TMEM132B: variants seen among roughly 807,000 people sequenced by gnomAD.
TMEM132B encodes the protein transmembrane protein 132B.
In TMEM132B, 18 loss-of-function variants were observed where a neutral mutation model predicts 90.8. The ratio of observed to expected loss-of-function variants is 0.20; its 90% CI spans 0.14 to 0.29. The LOEUF (loss-of-function observed/expected upper bound fraction) is 0.29, where lower values mean the gene tolerates loss of function less well. Ranked by LOEUF, TMEM132B falls within the 10% of genes least tolerant of loss-of-function variation. The pLI is 1.00. For missense variants in TMEM132B, 1,096 were observed against 1,326.8 expected, an observed-to-expected ratio of 0.83 and a Z score of 2.70; for synonymous variants, 504 against 523.3, an observed-to-expected ratio of 0.96 and a Z score of 0.50.
intron 2 of TMEM132B, among the ~76,000 whole-genome samples, chr12:125,411,125 GGAGTGAGTGGAGTGGAGT>G (rs1879814036): frequency 7.8e-5 from 4 of 51,320 alleles, no homozygotes; most frequent in South Asian, 8.6e-4. Flanking sequence ...GGAGTGGAGT[GGAGTGAGTGGAGTGGAGT>G]GAGTGGAGTG....
At position 125,350,279 on chromosome 12, in the gene TMEM132B, G is replaced by A. The variant is rs1477450533; in HGVS notation, c.895G>A (p.Gly299Arg). 6.2e-7 allele frequency: 1 copy of A among 1,613,844 alleles called. No individual in the cohort carries two copies. Among genetic ancestry groups the A allele is most frequent in the Non-Finnish European group, 8.5e-7 (1 of 1,180,034 alleles). ...GGTACCTCTGAATCTAGTCCGGGAAGGGGACACGGCCACCTTTTTGGTCTC... is the reference window on the plus strand; with the variant it reads ...GGTACCTCTGAATCTAGTCCGGGAAAGGGACACGGCCACCTTTTTGGTCTC... ...ISVPLNLVRE[G>R]DTATFLVSLT... Residue 299 changes from glycine to arginine, a missense_variant, in exon 2 of 9, where the codon GGG (glycine) becomes AGG (arginine). Gly to Arg is a moderately radical substitution (Grantham distance 125). Transcript: ENST00000682704.
chr12:125,296,686 G>A (rs1053438984), intron 1 of TMEM132B, among the ~76,000 whole-genome samples: 3 of 152,218 alleles, frequency 2.0e-5, no homozygotes, highest in South Asian at 2.1e-4. Context: ...AGCACCTGGC[G>A]GGGGCTCCTA....
chr12:125,253,720 C>G (rs886335679), intron 1 of TMEM132B, among the ~76,000 whole-genome samples: 24 of 152,298 alleles, frequency 1.6e-4, no homozygotes, highest in African/African-American at 5.8e-4. Context: ...AGGCGTGAAC[C>G]ACGGTGCCTG....
chr12:125,535,835 G>A (rs1484075785), intron 4 of TMEM132B, among the ~76,000 whole-genome samples: 3 of 152,176 alleles, frequency 2.0e-5, no homozygotes, highest in Admixed American at 1.3e-4. Context: ...GCAGGAGAGG[G>A]GAGCTTGCAG....
intron 5 of TMEM132B, among the ~76,000 whole-genome samples, chr12:125,608,557 A>G (rs1341987557): frequency 6.6e-6 from 1 of 152,206 alleles, no homozygotes; most frequent in Non-Finnish European, 1.5e-5. Context: ...TTGAAGAACA[A>G]AGGTTTTCAG....
At chr12:125,531,588 G>A (rs568668773) in intron 4 of TMEM132B, among the ~76,000 whole-genome samples, 20 of 152,246 alleles carry the variant, frequency 1.3e-4, no homozygotes, top group Non-Finnish European at 1.9e-4. Context: ...TATAATTACC[G>A]TTGAGGAAGA....
rs1247116775 is a variant in TMEM132B, at chr12:125,359,692, T to TA, written c.959+9354dup. On this transcript the variant is annotated intron_variant, in intron 2 of 8. Transcript: ENST00000682704. ...AAACTTGTAAGAAAAATAACAAATG[T>TA]AAAAAGCCATGTTTGGTCATTTCTA... Among the ~76,000 whole-genome samples the TA allele has an allele frequency of 2.0e-4, 31 of 152,274 alleles. No homozygotes were observed. In the East Asian group the frequency reaches 5.4e-3, roughly 27 times the overall value.
intron 5 of TMEM132B, among the ~76,000 whole-genome samples, chr12:125,600,661 A>T (rs1019619489): frequency 9.9e-5 from 15 of 152,212 alleles, no homozygotes; most frequent in South Asian, 2.1e-4. Flanking sequence ...AATGTAATAA[A>T]TCAAACTTTC....
rs758524242 is a variant in TMEM132B at position 125,460,218 on chromosome 12, C to T, written c.1106+44541C>T. On this transcript the variant is annotated intron_variant, in intron 3 of 8. Transcript: ENST00000682704. This position sits in a 1 kb window ranked among gnomAD's most constrained non-coding sequence, Gnocchi z 4.4. Reference sequence around the variant, plus strand: ...ATAAAAAAATAAAGCTGGCAGGGCACGGTGGCTCACGCCTGTAATCCCAGC... The same window carrying T: ...ATAAAAAAATAAAGCTGGCAGGGCATGGTGGCTCACGCCTGTAATCCCAGC... 5.3e-5 allele frequency among the ~76,000 whole-genome samples: 8 copies of T among 152,144 alleles called. No individual in the cohort carries two copies. The highest frequency in any genetic ancestry group is 1.9e-4 in the East Asian group (1 of 5,194).
chr12:125,304,591 G>T (rs559868517), intron 1 of TMEM132B, among the ~76,000 whole-genome samples: 31 of 152,172 alleles, frequency 2.0e-4, no homozygotes, highest in African/African-American at 7.5e-4. Context: ...TTTGGTGTAT[G>T]GTATAAGGTA....
At chr12:125,529,044 T>C (rs571567127) in intron 4 of TMEM132B, among the ~76,000 whole-genome samples, 2 of 147,302 alleles carry the variant, frequency 1.4e-5, no homozygotes, top group South Asian at 2.2e-4. Context: ...CCCTCCTCCT[T>C]CTTCCTTTTT....
chr12:125,247,750 C>T lies in TMEM132B; in HGVS notation c.67+60884C>T, dbSNP rs141963116. ...TAGCATTTCCCCTAGCCGATGTCAC[C>T]GGCCCTGGGATAGGCCTGACCTATT... On this transcript the variant is annotated intron_variant, in intron 1 of 8. Transcript: ENST00000682704. 1.2e-4 allele frequency among the ~76,000 whole-genome samples: 19 copies of T among 152,318 alleles called. No individual in the cohort carries two copies. In the East Asian group the frequency reaches 3.1e-3, roughly 25 times the overall value.
intron 4 of TMEM132B, among the ~76,000 whole-genome samples, chr12:125,557,108 T>C (rs896867589): frequency 6.6e-6 from 1 of 152,160 alleles, no homozygotes; most frequent in Non-Finnish European, 1.5e-5. Flanking sequence ...ACACACTTAC[T>C]CCCATATTTA....
chr12:125,435,681 G>C (rs7134903), intron 3 of TMEM132B, among the ~76,000 whole-genome samples: 30,979 of 152,116 alleles, frequency 0.2, 3,900 homozygotes, highest in African/African-American at 0.36. Flanking sequence ...GGAAGAAAGT[G>C]TCAGGGAGAA....
intron 3 of TMEM132B, among the ~76,000 whole-genome samples, chr12:125,505,181 A>AACAAACAAAC (rs1555254109): frequency 6.9e-6 from 1 of 144,888 alleles, no homozygotes; most frequent in Non-Finnish European, 1.5e-5. Flanking sequence ...AAAAAAAAAA[A>AACAAACAAAC]AAAAAAAAAA....
At chr12:125,291,338 T>C (rs1300077039) in intron 1 of TMEM132B, among the ~76,000 whole-genome samples, 1 of 152,210 alleles carries the variant, frequency 6.6e-6, no homozygotes, top group East Asian at 1.9e-4. Flanking sequence ...TACTTTGTTA[T>C]AGCAACCTGA....
At position 125,209,093 on chromosome 12, in the gene TMEM132B, G is replaced by A. The variant is rs1873257081; in HGVS notation, c.67+22227G>A. On this transcript the variant is annotated intron_variant, in intron 1 of 8. Transcript: ENST00000682704. The surrounding 1 kb of genome is among the most constrained non-coding windows in gnomAD (Gnocchi z 4.4). ...AATCAGAAGGGAGCTCCCGCATGGAGGGGAAGGGATTGTACTCTGATGTGG... is the reference window on the plus strand; with the variant it reads ...AATCAGAAGGGAGCTCCCGCATGGAAGGGAAGGGATTGTACTCTGATGTGG... Among the ~76,000 whole-genome samples, 1 of 152,226 alleles carries A rather than the reference G, an allele frequency of 6.6e-6. No homozygotes were observed. The highest frequency in any genetic ancestry group is 2.4e-5 in the African/African-American group (1 of 41,450).
chr12:125,637,504 T>C (rs1198028826), intron 5 of TMEM132B, among the ~76,000 whole-genome samples: 1 of 152,126 alleles, frequency 6.6e-6, no homozygotes, highest in African/African-American at 2.4e-5. Flanking sequence ...TAGGGAGGCA[T>C]GAGACATCAA....
intron 5 of TMEM132B, chr12:125,585,238 G>C (rs1263687209): frequency 6.6e-6 from 1 of 152,184 alleles, no homozygotes; most frequent in East Asian, 1.9e-4. Context: ...ATCGTCCTTA[G>C]ATATGGAAGG....
Sources: gnomAD v4.1 joint callset for allele counts (sites outside exome capture counted in the v4.1 genomes callset) on GRCh38, gnomAD v4.1.1 for gene constraint, Gnocchi (gnomAD v3.1) non-coding constraint, MANE v1.5 for transcripts, NCBI Gene and HGNC (gene_info 2026-07-23, HGNC 2026-07-21) for gene names.